Variants in PAPSS1 observed in about 807,000 individuals in gnomAD.
PAPSS1 encodes the protein 3'-phosphoadenosine 5'-phosphosulfate synthase 1.
PAPSS1 carries 50 observed loss-of-function variants against 72.0 expected under a neutral mutation model. That is an observed-to-expected ratio of 0.69 (90% CI 0.55 to 0.88). The LOEUF (loss-of-function observed/expected upper bound fraction) is 0.88, where lower values mean the gene tolerates loss of function less well. PAPSS1 is among the 40% of genes least tolerant of loss of function. The pLI is 0.00. For missense variants in PAPSS1, 657 were observed against 782.2 expected, an observed-to-expected ratio of 0.84 and a Z score of 1.91; for synonymous variants, 261 against 263.6, an observed-to-expected ratio of 0.99 and a Z score of 0.09.
intron 1 of PAPSS1, among the ~76,000 whole-genome samples, chr4:107,702,519 C>G (rs1023693972): frequency 2.0e-5 from 3 of 152,316 alleles, no homozygotes; most frequent in Admixed American, 1.3e-4. Flanking sequence ...CACTCGACCC[C>G]AAACCTCGCA....
intron 5 of PAPSS1, among the ~76,000 whole-genome samples, chr4:107,668,876 G>A (rs1409509278): frequency 2.0e-5 from 3 of 151,894 alleles, no homozygotes; most frequent in Admixed American, 2.0e-4. Context: ...CATGGCATTC[G>A]CTTTCAGCAC....
chr4:107,693,949 C>A lies in PAPSS1; in HGVS notation c.233G>T (p.Cys78Phe), dbSNP rs753302809. 1.9e-5 allele frequency: 30 copies of A among 1,613,720 alleles called. No individual in the cohort carries two copies. In the East Asian group the frequency reaches 6.5e-4, roughly 35 times the overall value. Residue 78 changes from cysteine to phenylalanine, a missense_variant, in exon 3 of 12, where the codon TGT becomes TTT. By Grantham distance (205) the Cys-to-Phe change is radical. Coordinates refer to ENST00000265174, the MANE Select transcript of PAPSS1 (RefSeq NM_005443.5). ...VSMALEEYLV[C>F]HGIPCYTLDG... ...CAGAGTGTAGCATGGAATACCATGA[C>A]AAACCAGGTACTCCTCCAAGGCCAT... is the stretch of plus-strand genomic sequence containing the variant.
intron 4 of PAPSS1, 104 bp downstream of exon 4, chr4:107,686,935 T>C (rs555188481): frequency 8.8e-6 from 8 of 907,032 alleles, no homozygotes; most frequent in Non-Finnish European, 1.3e-5. Flanking sequence ...CTCAAGGAGC[T>C]CCAAGTCACT....
At chr4:107,711,667 G>A (rs1464140127) in intron 1 of PAPSS1, among the ~76,000 whole-genome samples, 1 of 152,134 alleles carries the variant, frequency 6.6e-6, no homozygotes, top group East Asian at 1.9e-4. Context: ...TTTCTTTTAT[G>A]TCCCTAGACA....
chr4:107,639,837 C>T (rs1051964635), intron 10 of PAPSS1, among the ~76,000 whole-genome samples: 7 of 152,146 alleles, frequency 4.6e-5, no homozygotes, highest in African/African-American at 1.7e-4. Flanking sequence ...AAAGCACAGA[C>T]TAATTAAACA....
At chr4:107,679,732 G>A (rs956524192) in intron 5 of PAPSS1, among the ~76,000 whole-genome samples, 3 of 150,904 alleles carry the variant, frequency 2.0e-5, no homozygotes, top group African/African-American at 4.9e-5. Flanking sequence ...AGGCTGGAGA[G>A]CAGTGGCGCA....
intron 1 of PAPSS1, 108 bp downstream of exon 1, chr4:107,720,012 T>C: frequency 1.3e-6 from 2 of 1,537,060 alleles, no homozygotes; most frequent in Non-Finnish European, 1.7e-6. Flanking sequence ...ACCTCCGCGC[T>C]CCTGGAAGGA....
intron 9 of PAPSS1, among the ~76,000 whole-genome samples, chr4:107,648,122 AT>A (rs1304518660): frequency 6.6e-6 from 1 of 152,154 alleles, no homozygotes; most frequent in Non-Finnish European, 1.5e-5. Flanking sequence ...TTTCCTCTGG[AT>A]TTCCTATCAC....
chr4:107,650,830 A>T (rs1726819424), intron 9 of PAPSS1, among the ~76,000 whole-genome samples: 1 of 152,202 alleles, frequency 6.6e-6, no homozygotes, highest in Admixed American at 6.5e-5. Context: ...CCAAACATCC[A>T]AAACAGGAAG....
At chr4:107,720,054 G>T in intron 1 of PAPSS1, 66 bp downstream of exon 1, 1 of 1,546,652 alleles carries the variant, frequency 6.5e-7, no homozygotes, top group South Asian at 1.2e-5. Flanking sequence ...AGAGGCGGCG[G>T]CTCCGGAACG....
intron 2 of PAPSS1, among the ~76,000 whole-genome samples, chr4:107,697,284 T>C (rs140758213): frequency 3.2e-4 from 49 of 152,344 alleles, no homozygotes; most frequent in African/African-American, 1.1e-3. Flanking sequence ...ATCTGAGCCC[T>C]TTTAAATCCC....
chr4:107,649,196 G>A (rs1210076536), intron 9 of PAPSS1, among the ~76,000 whole-genome samples: 5 of 152,202 alleles, frequency 3.3e-5, no homozygotes, highest in Admixed American at 6.5e-5. Context: ...CCTTGAGGGT[G>A]GTGGCATTAG....
At chr4:107,631,607 T>C (rs1726226011) in intron 11 of PAPSS1, 24 bp downstream of exon 11, 2 of 1,532,516 alleles carry the variant, frequency 1.3e-6, no homozygotes, top group African/African-American at 1.4e-5. Flanking sequence ...CTTCAAAGAT[T>C]TGTACAGAGA....
At chr4:107,713,341 T>TG in intron 1 of PAPSS1, among the ~76,000 whole-genome samples, 1 of 152,266 alleles carries the variant, frequency 6.6e-6, no homozygotes, top group Admixed American at 6.5e-5. Context: ...ATGCAGAGCC[T>TG]GGGGAATGAC....
At chr4:107,689,051 C>G (rs894355878) in intron 3 of PAPSS1, among the ~76,000 whole-genome samples, 1 of 152,268 alleles carries the variant, frequency 6.6e-6, no homozygotes, top group South Asian at 2.1e-4. Flanking sequence ...CAATCTTTCC[C>G]TATTCCCTAG....
At chr4:107,651,496 T>C (rs1227373362) in intron 9 of PAPSS1, among the ~76,000 whole-genome samples, 1 of 152,188 alleles carries the variant, frequency 6.6e-6, no homozygotes, top group African/African-American at 2.4e-5. Context: ...AAAAGAGGTT[T>C]AATTGACTCA....
intron 6 of PAPSS1, among the ~76,000 whole-genome samples, chr4:107,657,652 G>A (rs534853047): frequency 8.6e-5 from 13 of 151,974 alleles, no homozygotes; most frequent in African/African-American, 2.2e-4. Context: ...GCCAGGAATC[G>A]CTTGAGCCCA....
At chr4:107,660,911 T>G (rs72673594) in intron 5 of PAPSS1, among the ~76,000 whole-genome samples, 27,585 of 152,128 alleles carry the variant, frequency 0.18, 3,160 homozygotes, top group Non-Finnish European at 0.25. Flanking sequence ...CTCAAAAGAT[T>G]GAGAAGATAA....
At chr4:107,677,736 C>T (rs537599788) in intron 5 of PAPSS1, among the ~76,000 whole-genome samples, 15 of 152,304 alleles carry the variant, frequency 9.8e-5, no homozygotes, top group Non-Finnish European at 1.6e-4. Flanking sequence ...CACATGTACA[C>T]GTATGTTTAT....
Sources: allele counts gnomAD v4.1 joint callset (sites outside exome capture counted in the v4.1 genomes callset), GRCh38; gene constraint gnomAD v4.1.1; transcripts MANE v1.5; gene names NCBI Gene and HGNC (gene_info 2026-07-23, HGNC 2026-07-21).